Variants in MIAT observed in about 807,000 individuals in gnomAD.
MIAT encodes myocardial infarction associated transcript.
chr22:26,656,593 C>T (rs55892869), intron 2 of MIAT, among the ~76,000 whole-genome samples: 7,033 of 152,250 alleles, frequency 0.046, 295 homozygotes, highest in Admixed American at 0.14. Context: ...GCTGGGATTA[C>T]AGGGGTGAGC....
chr22:26,674,043 TAG>T, downstream of MIAT: 2 of 398,698 alleles, frequency 5.0e-6, no homozygotes, highest in Non-Finnish European at 8.8e-6. Flanking sequence ...CCATTTTGTA[TAG>T]AGTCACCCTT....
exon 6 of MIAT, chr22:26,668,434 C>T (rs920947426): frequency 1.3e-5 from 5 of 398,756 alleles, no homozygotes; most frequent in African/African-American, 1.0e-4. Context: ...CCACTACTCC[C>T]TCCTCACCTG....
At chr22:26,651,301 G>T (rs145549341) in intron 2 of MIAT, among the ~76,000 whole-genome samples, 3 of 152,318 alleles carry the variant, frequency 2.0e-5, no homozygotes, top group African/African-American at 7.2e-5. Flanking sequence ...ACAGCTGTCA[G>T]AAAAGAGATC....
chr22:26,675,659 A>G (rs909215569), exon 5 of MIAT: 62 of 398,564 alleles, frequency 1.6e-4, no homozygotes, highest in African/African-American at 5.3e-4. Context: ...AAGGGGAGCA[A>G]TCTTGAAAAC....
chr22:26,660,270 G>A (rs1930617568), intron 2 of MIAT, among the ~76,000 whole-genome samples: 2 of 149,674 alleles, frequency 1.3e-5, no homozygotes, highest in African/African-American at 4.9e-5. Context: ...TCAGGAGTTC[G>A]AGACCAGCCT....
chr22:26,654,300 C>G (rs1042526233), intron 2 of MIAT, among the ~76,000 whole-genome samples: 1 of 152,110 alleles, frequency 6.6e-6, no homozygotes, highest in African/African-American at 2.4e-5. Flanking sequence ...ATTGCTCATC[C>G]TTAAGAAGCC....
downstream of MIAT, chr22:26,671,438 C>T (rs1222691660): frequency 2.3e-5 from 9 of 398,588 alleles, no homozygotes; most frequent in Admixed American, 4.4e-5. Context: ...AGGGCTCAGC[C>T]GGGACGCTGT....
chr22:26,647,489 C>A (rs1034288005), intron 2 of MIAT: 1 of 384,274 alleles, frequency 2.6e-6, no homozygotes, highest in Middle Eastern at 6.6e-4. Flanking sequence ...CCAGAAGGAG[C>A]GGGGCCCCAG....
exon 4 of MIAT, chr22:26,666,371 G>C: frequency 2.5e-6 from 1 of 398,696 alleles, no homozygotes; most frequent in South Asian, 1.3e-4. Flanking sequence ...AAAGGGCAGG[G>C]GAGAAGGAGG....
intron 2 of MIAT, among the ~76,000 whole-genome samples, chr22:26,648,637 G>C (rs529650998): frequency 2.2e-4 from 33 of 152,134 alleles, no homozygotes; most frequent in African/African-American, 7.7e-4. Context: ...CCTGCCAATG[G>C]AGAAAAGACC....
At chr22:26,648,867 T>G in intron 2 of MIAT, among the ~76,000 whole-genome samples, 1 of 150,144 alleles carries the variant, frequency 6.7e-6, no homozygotes, top group Non-Finnish European at 1.5e-5. Flanking sequence ...TTGTGGGGAG[T>G]CTCTAATGGC....
chr22:26,651,558 G>A (rs142541315), intron 2 of MIAT, among the ~76,000 whole-genome samples: 5 of 152,272 alleles, frequency 3.3e-5, no homozygotes, highest in African/African-American at 7.2e-5. Context: ...CCAAAAGAAC[G>A]GAAAAGAAGG....
At chr22:26,661,426 C>A (rs1930657492) in intron 2 of MIAT, among the ~76,000 whole-genome samples, 3 of 152,118 alleles carry the variant, frequency 2.0e-5, no homozygotes, top group African/African-American at 7.2e-5. Context: ...CCAGATGAGT[C>A]ATGGAAGGGA....
At chr22:26,653,155 A>G (rs16982554) in intron 2 of MIAT, among the ~76,000 whole-genome samples, 17,255 of 152,232 alleles carry the variant, frequency 0.11, 986 homozygotes, top group African/African-American at 0.16. Flanking sequence ...CACTCAACAG[A>G]TGGGCAAAAT....
At chr22:26,672,251 C>T, downstream of MIAT, 1 of 399,170 alleles carries the variant, frequency 2.5e-6, no homozygotes, top group Non-Finnish European at 4.4e-6. Context: ...CTCTGGGCTC[C>T]CCCCGGGGGC....
intron 2 of MIAT, among the ~76,000 whole-genome samples, chr22:26,661,130 G>A (rs925710015): frequency 6.6e-6 from 1 of 152,146 alleles, no homozygotes; most frequent in African/African-American, 2.4e-5. Context: ...TAGCCTGTTC[G>A]AGCAGCGTGT....
intron 2 of MIAT, among the ~76,000 whole-genome samples, chr22:26,655,036 T>C (rs1930401706): frequency 6.6e-6 from 1 of 152,210 alleles, no homozygotes; most frequent in African/African-American, 2.4e-5. Flanking sequence ...AAAGGACTTT[T>C]GTGATTACAT....
chr22:26,651,972 G>A (rs1786105443), intron 2 of MIAT, among the ~76,000 whole-genome samples: 1 of 152,230 alleles, frequency 6.6e-6, no homozygotes, highest in African/African-American at 2.4e-5. Flanking sequence ...TTTAGAGGAT[G>A]CGACTTCCCT....
At chr22:26,667,402 G>GTGCATGCGTGCA (rs1930889211) in intron 5 of MIAT, 1 of 370,896 alleles carries the variant, frequency 2.7e-6, no homozygotes, top group African/African-American at 2.2e-5. Context: ...ATGCGTGCAT[G>GTGCATGCGTGCA]TGTGTGCGCG....
Sources: gnomAD v4.1 joint callset for allele counts (sites outside exome capture counted in the v4.1 genomes callset) on GRCh38, gnomAD v4.1.1 for gene constraint, MANE v1.5 for transcripts, NCBI Gene and HGNC (gene_info 2026-07-23, HGNC 2026-07-21) for gene names.